GUCY2C: variants seen among roughly 807,000 people sequenced by gnomAD.
The protein encoded by GUCY2C is guanylate cyclase 2C.
A neutral mutation model predicts 131.1 loss-of-function variants in GUCY2C; 118 were observed. The ratio of observed to expected loss-of-function variants is 0.90; its 90% CI spans 0.78 to 1.05. The LOEUF (loss-of-function observed/expected upper bound fraction) is 1.05, where lower values mean the gene tolerates loss of function less well. Among genes scored for constraint, GUCY2C ranks in the 50% least tolerant of loss-of-function variants. The pLI, the probability that GUCY2C is intolerant of heterozygous loss-of-function variation, is 0.00. For synonymous variants in GUCY2C, 452 were observed against 457.8 expected, an observed-to-expected ratio of 0.99 and a Z score of 0.16; for missense variants, 1,161 against 1,304.4, an observed-to-expected ratio of 0.89 and a Z score of 1.69.
rs1324128250 is a variant in GUCY2C, at chr12:14,679,758, AG to A, written c.734-6del. On this transcript the variant is annotated splice_region_variant and splice_polypyrimidine_tract_variant and intron_variant, in intron 5 of 26. Transcript: ENST00000261170. Reference sequence around the variant, plus strand: ...GACCACCACACATAATAATCACTGGAGGAGAAGGTAAGACAAGGAGAGAAAT... The same window carrying A: ...GACCACCACACATAATAATCACTGGAGAGAAGGTAAGACAAGGAGAGAAAT... The A allele has an allele frequency of 2.0e-6, 3 of 1,474,402 alleles. No individual in the cohort carries two copies. The highest frequency in any genetic ancestry group is 2.8e-6 in the Non-Finnish European group (3 of 1,052,830). The allele number at this position is 1,474,402 out of a possible 1,614,324, so 91.3% of individuals were successfully genotyped here.
In GUCY2C at chr12:14,634,655, A is replaced by G. The variant is rs1177507460; in HGVS notation, c.2157+5207T>C. ...TAAATGGATCAAAATTTTTCACTTA[A>G]AAGATATAGACTGGTTCAATGGATT... On this transcript the variant is annotated intron_variant, in intron 19 of 26. Transcript: ENST00000261170. Among the ~76,000 whole-genome samples, 7 of 152,376 alleles carry G rather than the reference A, an allele frequency of 4.6e-5. No individual in the cohort carries two copies. In the East Asian group the frequency reaches 1.3e-3, roughly 29 times the overall value.
chr12:14,657,689 C>T (rs1947789672), intron 11 of GUCY2C, among the ~76,000 whole-genome samples: 3 of 152,156 alleles, frequency 2.0e-5, no homozygotes, highest in African/African-American at 7.2e-5. Context: ...TTGTGCACTC[C>T]TTATCCTTAT....
chr12:14,668,917 T>C (rs189794618), intron 10 of GUCY2C, among the ~76,000 whole-genome samples: 1 of 152,212 alleles, frequency 6.6e-6, no homozygotes, highest in African/African-American at 2.4e-5. Context: ...GTAACTATCA[T>C]TGCAACCCAA....
At chr12:14,665,799 C>A (rs1213279469) in intron 10 of GUCY2C, 4 of 152,180 alleles carry the variant, frequency 2.6e-5, no homozygotes, top group Non-Finnish European at 5.9e-5. Flanking sequence ...TACTTAGTAG[C>A]TGTGTACACA....
chr12:14,696,032 A>C (rs1241143430), intron 1 of GUCY2C, among the ~76,000 whole-genome samples, 200 bp downstream of exon 1: 1 of 152,162 alleles, frequency 6.6e-6, no homozygotes, highest in African/African-American at 2.4e-5. Flanking sequence ...GTCCCAGAGC[A>C]AGGTGAAGTG....
chr12:14,688,287 T>A (rs982091437), intron 1 of GUCY2C, among the ~76,000 whole-genome samples: 6 of 152,176 alleles, frequency 3.9e-5, no homozygotes, highest in African/African-American at 1.4e-4. Flanking sequence ...AACAGTTTTA[T>A]TGAGGTATAA....
At chr12:14,638,846 A>G (rs1947333807) in intron 19 of GUCY2C, among the ~76,000 whole-genome samples, 1 of 152,220 alleles carries the variant, frequency 6.6e-6, no homozygotes, top group African/African-American at 2.4e-5. Context: ...CAAAGCAGCT[A>G]GAAGAGAGGA....
intron 19 of GUCY2C, among the ~76,000 whole-genome samples, chr12:14,636,509 A>T (rs1403658662): frequency 6.6e-6 from 1 of 152,204 alleles, no homozygotes; most frequent in Non-Finnish European, 1.5e-5. Flanking sequence ...AATAAAAGCC[A>T]TATACTACAA....
intron 21 of GUCY2C, among the ~76,000 whole-genome samples, chr12:14,623,159 T>C (rs564383685): frequency 1.3e-5 from 2 of 152,202 alleles, no homozygotes; most frequent in Non-Finnish European, 2.9e-5. Context: ...CACAGCCGAT[T>C]AGGGACAGAG....
intron 8 of GUCY2C, 24 bp downstream of exon 8, chr12:14,674,601 T>G: frequency 2.5e-6 from 4 of 1,610,854 alleles, no homozygotes; most frequent in Non-Finnish European, 3.4e-6. Flanking sequence ...ACCTTGGGGT[T>G]ATTTGCTCTT....
intron 1 of GUCY2C, 100 bp downstream of exon 1, chr12:14,696,132 G>T: frequency 1.1e-6 from 1 of 916,106 alleles, no homozygotes. Flanking sequence ...AGTCCTTAGA[G>T]AAAGTTGTGT....
chr12:14,629,974 C>T (rs1947105315), intron 19 of GUCY2C, among the ~76,000 whole-genome samples: 1 of 151,904 alleles, frequency 6.6e-6, no homozygotes. Flanking sequence ...GATTTTTAAG[C>T]TCTTTGGTGA....
intron 19 of GUCY2C, 79 bp downstream of exon 19, chr12:14,639,783 A>G: frequency 1.1e-6 from 1 of 923,638 alleles, no homozygotes; most frequent in Non-Finnish European, 1.8e-6. Context: ...AAGTGAATAA[A>G]TTTTTGTTGT....
chr12:14,650,736 G>C (rs1442477401), intron 15 of GUCY2C, among the ~76,000 whole-genome samples: 1 of 152,100 alleles, frequency 6.6e-6, no homozygotes, highest in East Asian at 1.9e-4. Context: ...GGCTTAATGT[G>C]TCACTTTTTC....
At chr12:14,678,041 C>T (rs973969707) in intron 6 of GUCY2C, among the ~76,000 whole-genome samples, 2 of 152,218 alleles carry the variant, frequency 1.3e-5, no homozygotes, top group African/African-American at 4.8e-5. Context: ...GTCTTGAACT[C>T]CTAGATTCAA....
chr12:14,647,240 C>T (rs532495413), intron 15 of GUCY2C, among the ~76,000 whole-genome samples: 9 of 152,194 alleles, frequency 5.9e-5, no homozygotes, highest in East Asian at 5.8e-4. Flanking sequence ...GTCACTACAC[C>T]GCCTTGATTA....
rs574685045 is a variant in GUCY2C, at chr12:14,619,488, C to G, written c.2777-179G>C. 3 of 539,022 alleles carry G rather than the reference C, an allele frequency of 5.6e-6. No individual in the cohort carries two copies. In the Admixed American group the frequency reaches 9.9e-5, roughly 18 times the overall value. 33.4% of individuals were successfully genotyped at this position (539,022 alleles called of 1,614,324 possible). ...TAAATGGATGAATCCAATGAAGCAT[C>G]ATTATTCAATGCATGCGATCATAAA... On this transcript the variant is annotated intron_variant, in intron 23 of 26. Coordinates refer to ENST00000261170, the MANE Select transcript of GUCY2C (RefSeq NM_004963.4).
chr12:14,617,020 G>C (rs1442753644), intron 24 of GUCY2C, among the ~76,000 whole-genome samples: 1 of 152,092 alleles, frequency 6.6e-6, no homozygotes, highest in Non-Finnish European at 1.5e-5. Context: ...GCTTGGTGCT[G>C]TCTTTGCGAT....
intron 6 of GUCY2C, among the ~76,000 whole-genome samples, chr12:14,679,110 G>A (rs531812255): frequency 2.0e-4 from 30 of 152,294 alleles, no homozygotes; most frequent in South Asian, 4.1e-4. Flanking sequence ...AGCAACTGAA[G>A]GAGAAAAATG....
Sources: allele counts gnomAD v4.1 joint callset (sites outside exome capture counted in the v4.1 genomes callset), GRCh38; gene constraint gnomAD v4.1.1; transcripts MANE v1.5; gene names NCBI Gene and HGNC (gene_info 2026-07-23, HGNC 2026-07-21).